VPS45: variants seen among roughly 807,000 people sequenced by gnomAD.
The protein encoded by VPS45 is vacuolar protein sorting 45 homolog.
Under a neutral mutation model 75.9 loss-of-function variants are expected in VPS45, and 35 were observed. The ratio of observed to expected loss-of-function variants is 0.46; its 90% CI spans 0.35 to 0.61. The LOEUF (loss-of-function observed/expected upper bound fraction) is 0.61. Ranked by LOEUF, VPS45 falls within the 20% of genes least tolerant of loss-of-function variation. The pLI is 0.00. For synonymous variants in VPS45, 220 were observed against 238.2 expected (o/e 0.92, Z 0.70); for missense variants, 559 against 685.9 (o/e 0.81, Z 2.07).
In VPS45 at chr1:150,124,552, C is replaced by CTTTTT. The variant is rs1415553849; in HGVS notation, c.1625+13934_1625+13938dup. ...AATATGTTGGCTTTTTTTCTTTTTT[C>CTTTTT]TTTTTTTTTTTTTGAGACAGAGTCT... On this transcript the variant is annotated intron_variant, in intron 14 of 14. Coordinates refer to ENST00000644510, the MANE Select transcript of VPS45 (RefSeq NM_007259.5). Among the ~76,000 whole-genome samples the CTTTTT allele has an allele frequency of 1.3e-4, 18 of 140,216 alleles. 9 individuals carry two copies. Among genetic ancestry groups the CTTTTT allele is most frequent in the Non-Finnish European group, 6.1e-5 (4 of 65,578 alleles). The allele number at this position is 140,216 out of a possible 152,430, so 92.0% of individuals were successfully genotyped here.
At chr1:150,095,128 C>G (rs1656547573) in intron 13 of VPS45, among the ~76,000 whole-genome samples, 1 of 152,110 alleles carries the variant, frequency 6.6e-6, no homozygotes, top group Non-Finnish European at 1.5e-5. Flanking sequence ...AGACAAGGTA[C>G]CCGCCCTCAA....
chr1:150,092,374 G>A lies in VPS45; in HGVS notation c.1336G>A (p.Val446Met). The A allele has an allele frequency of 1.2e-6, 2 of 1,614,166 alleles. No homozygotes were observed. Among genetic ancestry groups the A allele is most frequent in the South Asian group, 2.2e-5 (2 of 91,086 alleles). The change falls in exon 12 of 15, where the codon GTG (valine) becomes ATG (methionine). Residue 446 changes from valine to methionine, a missense_variant. Transcript: ENST00000644510. ...GSDLFSPKDA[V>M]AITKQFLKGL... ...TGACCTCTTCAGCCCCAAAGATGCTGTGGCTATCACCAAACAATTCCTCAA... is the reference window on the plus strand; with the variant it reads ...TGACCTCTTCAGCCCCAAAGATGCTATGGCTATCACCAAACAATTCCTCAA...
chr1:150,082,609 A>C, intron 9 of VPS45, 107 bp from the exon 10 acceptor site: 1 of 1,383,666 alleles, frequency 7.2e-7, no homozygotes, highest in Non-Finnish European at 9.8e-7. Flanking sequence ...TAGATGCTTT[A>C]ATCTGGGCTG....
intron 14 of VPS45, among the ~76,000 whole-genome samples, chr1:150,111,468 T>C (rs1286618309): frequency 6.6e-6 from 1 of 152,186 alleles, no homozygotes; most frequent in East Asian, 1.9e-4. Flanking sequence ...TTTCTACTTT[T>C]TTACATAGAA....
intron 14 of VPS45, among the ~76,000 whole-genome samples, chr1:150,118,840 C>T (rs1553809015): frequency 6.6e-6 from 1 of 152,200 alleles, no homozygotes; most frequent in African/African-American, 2.4e-5. Context: ...CACTGTATTA[C>T]ATTTGAGCAG....
intron 12 of VPS45, chr1:150,092,624 A>G (rs1205883327): frequency 3.1e-6 from 1 of 327,808 alleles, no homozygotes; most frequent in Non-Finnish European, 5.5e-6. Flanking sequence ...ATAGCTTAGC[A>G]GGAAATAACT....
In VPS45 at chr1:150,093,598, G is replaced by C; in HGVS notation, c.1443G>C (p.Arg481Ser). ...CCCTGGATCATCTCATCAAAGGAAG[G>C]CTTAAGGAAAACCTATATCCTTATT... ...HETLDHLIKGRLKENLYPYLG... is the reference protein window; with the variant it reads ...HETLDHLIKGSLKENLYPYLG... The change falls in exon 13 of 15, where the codon AGG becomes AGC. Residue 481 changes from arginine (R) to serine (S), a missense_variant. Coordinates refer to ENST00000644510, the MANE Select transcript of VPS45 (RefSeq NM_007259.5). The C allele has an allele frequency of 6.2e-7, 1 of 1,613,872 alleles. No homozygotes were observed. Among genetic ancestry groups the C allele is most frequent in the Non-Finnish European group, 8.5e-7 (1 of 1,179,900 alleles).
At chr1:150,108,146 T>TA (rs1351885824) in intron 13 of VPS45, among the ~76,000 whole-genome samples, 1 of 152,204 alleles carries the variant, frequency 6.6e-6, no homozygotes, top group East Asian at 1.9e-4. Flanking sequence ...ATTGGGGATT[T>TA]AAAATGTGTT....
intron 14 of VPS45, among the ~76,000 whole-genome samples, chr1:150,112,118 A>G (rs1657681101): frequency 6.6e-6 from 1 of 152,086 alleles, no homozygotes; most frequent in South Asian, 2.1e-4. Context: ...TTGCTAGTTC[A>G]TATTCTTTGC....
chr1:150,118,002 G>A (rs1658030967), intron 14 of VPS45, among the ~76,000 whole-genome samples: 1 of 151,936 alleles, frequency 6.6e-6, no homozygotes, highest in Non-Finnish European at 1.5e-5. Flanking sequence ...GGCTGGGCAC[G>A]GTGGCTCACG....
In VPS45 at chr1:150,076,317, A is replaced by G; in HGVS notation, c.369+5A>G. On this transcript the variant is annotated splice_donor_5th_base_variant and intron_variant, in intron 4 of 14. Coordinates refer to ENST00000644510, the MANE Select transcript of VPS45 (RefSeq NM_007259.5). The stretch of plus-strand genomic sequence containing the variant: ...GAAGTTGTGGCTGAGGTTCAGGTAA[A>G]CATATTGGTCCTGTAACACATCTCG... 6.2e-7 allele frequency: 1 copy of G among 1,601,312 alleles called. No individual in the cohort carries two copies. The highest frequency in any genetic ancestry group is 8.5e-7 in the Non-Finnish European group (1 of 1,172,560).
chr1:150,071,421 G>T (rs149471830), intron 2 of VPS45, among the ~76,000 whole-genome samples: 1,981 of 152,246 alleles, frequency 0.013, 37 homozygotes, highest in African/African-American at 0.043. Flanking sequence ...AAGCCAAAGT[G>T]AATATAATTA....
intron 14 of VPS45, among the ~76,000 whole-genome samples, chr1:150,115,622 A>G (rs1050802843): frequency 6.6e-6 from 1 of 152,182 alleles, no homozygotes; most frequent in Non-Finnish European, 1.5e-5. Flanking sequence ...GACATTCAAG[A>G]TACATCTCTC....
chr1:150,129,577 T>G (rs1195024755), intron 14 of VPS45, among the ~76,000 whole-genome samples: 1 of 152,080 alleles, frequency 6.6e-6, no homozygotes, highest in African/African-American at 2.4e-5. Context: ...TTTATTTATT[T>G]GAGACGGAGT....
At chr1:150,095,396 C>T (rs1656565376) in intron 13 of VPS45, among the ~76,000 whole-genome samples, 1 of 152,092 alleles carries the variant, frequency 6.6e-6, no homozygotes, top group Non-Finnish European at 1.5e-5. Context: ...GGAGGATCAC[C>T]TGAGGTCAGT....
At chr1:150,144,644 C>A in intron 14 of VPS45, 65 bp from the exon 15 acceptor site, 2 of 1,405,320 alleles carry the variant, frequency 1.4e-6, no homozygotes, top group Non-Finnish European at 2.0e-6. Context: ...ATGTCCAGAG[C>A]AAGACATTCT....
intron 13 of VPS45, among the ~76,000 whole-genome samples, chr1:150,096,983 A>T (rs1364695389): frequency 2.4e-5 from 2 of 84,574 alleles, no homozygotes; most frequent in African/African-American, 9.8e-5. Context: ...ACTACAGTAC[A>T]ATATTACGTA....
intron 7 of VPS45, among the ~76,000 whole-genome samples, chr1:150,080,522 G>T (rs1279578816): frequency 4.6e-5 from 7 of 152,110 alleles, no homozygotes; most frequent in Non-Finnish European, 1.0e-4. Context: ...TAGGAAATAA[G>T]CACCTTCTTT....
At chr1:150,116,809 T>C (rs1216598002) in intron 14 of VPS45, among the ~76,000 whole-genome samples, 4 of 152,196 alleles carry the variant, frequency 2.6e-5, no homozygotes, top group Non-Finnish European at 4.4e-5. Flanking sequence ...GAGTTAATAT[T>C]TCTCACTATT....
Sources: gnomAD v4.1 joint callset for allele counts (sites outside exome capture counted in the v4.1 genomes callset) on GRCh38, gnomAD v4.1.1 for gene constraint, MANE v1.5 for transcripts, NCBI Gene and HGNC (gene_info 2026-07-23, HGNC 2026-07-21) for gene names.